Variants in GNB1L observed in about 807,000 individuals in gnomAD.
GNB1L encodes G protein subunit beta 1 like, also known as guanine nucleotide-binding protein subunit beta-like protein 1.
Under a neutral mutation model 29.1 loss-of-function variants are expected in GNB1L, and 20 were observed. The observed-to-expected ratio is 0.69, with a 90% CI of 0.48 to 1.00. GNB1L has a LOEUF of 1.00. Ranked by LOEUF, GNB1L falls within the 50% of genes least tolerant of loss-of-function variation. The pLI is 0.00. For missense variants in GNB1L, 421 were observed against 464.9 expected, an observed-to-expected ratio of 0.91 and a Z score of 0.87; for synonymous variants, 193 against 206.5, an observed-to-expected ratio of 0.93 and a Z score of 0.56.
chr22:19,812,310 G>A lies in GNB1L; in HGVS notation c.392C>T (p.Ala131Val), dbSNP rs1375866951. 6.2e-7 allele frequency: 1 copy of A among 1,612,828 alleles called. No individual in the cohort carries two copies. The highest frequency in any genetic ancestry group is 1.1e-5 in the South Asian group (1 of 91,028). ...LAGGQPRWTL[A>V]VPGRGSDEVQ... ...CTCGTCGCTGCCCCTCCCTGGCACG[G>A]CAAGCGTCCAGCGTGGCTGGCCCCC... is the stretch of plus-strand genomic sequence containing the variant. Residue 131 changes from alanine (A) to valine (V), a missense_variant, in exon 5 of 8, where the codon GCC becomes GTC. By Grantham distance (64) the Ala-to-Val change is moderately conservative (BLOSUM62 0). Coordinates refer to ENST00000329517, the MANE Select transcript of GNB1L (RefSeq NM_053004.3).
At chr22:19,798,008 C>T (rs1043611614) in intron 7 of GNB1L, among the ~76,000 whole-genome samples, 5 of 152,246 alleles carry the variant, frequency 3.3e-5, no homozygotes, top group Admixed American at 6.5e-5. Flanking sequence ...TGCTGCAGCA[C>T]GACACACAGC....
rs769500031 is a variant in GNB1L at position 19,851,431 on chromosome 22, T to C, written c.-21+3012A>G. The C allele has an allele frequency of 5.0e-6, 8 of 1,613,962 alleles. No homozygotes were observed. The South Asian group carries it at 6.6e-5, about 13-fold the overall frequency. On this transcript the variant is annotated intron_variant, in intron 2 of 7. Transcript: ENST00000329517. ...CCACAGGACCAGGCTTGGAGCTACA[T>C]GTAGAACTGGGCAGGACTGGGGGCT...
chr22:19,815,344 C>T lies in GNB1L; in HGVS notation c.255-2897G>A, dbSNP rs558980690. On this transcript the variant is annotated intron_variant, in intron 4 of 7. Transcript: ENST00000329517. ...TCCACTGGGGTTTTGGAGAACCTGC[C>T]AAACTGATGTCAAAATGTACCTGGA... Among the ~76,000 whole-genome samples the T allele has an allele frequency of 1.6e-3, 240 of 152,294 alleles. 1 individual carries two copies. Among genetic ancestry groups the T allele is most frequent in the Admixed American group, 4.5e-3 (69 of 15,310 alleles).
intron 4 of GNB1L, among the ~76,000 whole-genome samples, chr22:19,819,965 C>T (rs1227079837): frequency 6.6e-6 from 1 of 152,180 alleles, no homozygotes; most frequent in Non-Finnish European, 1.5e-5. Context: ...GCCACATAGC[C>T]GTATGTGGCA....
intron 2 of GNB1L, among the ~76,000 whole-genome samples, chr22:19,822,288 G>A (rs1034872738): frequency 6.6e-5 from 10 of 152,218 alleles, no homozygotes; most frequent in Non-Finnish European, 1.3e-4. Flanking sequence ...TCGCCGTGCG[G>A]CTCCTTAGGA....
intron 2 of GNB1L, among the ~76,000 whole-genome samples, chr22:19,837,156 C>T (rs537322236): frequency 1.3e-5 from 2 of 151,976 alleles, no homozygotes; most frequent in African/African-American, 2.4e-5. Context: ...TTAGTAGAGA[C>T]GGGGTCTCAC....
Position 19,831,462 on chromosome 22 carries a change from C to A in GNB1L, c.-20-10087G>T, listed in dbSNP as rs147416326. ...ATCCCAGCACTTTGGGAGGCTGAGG[C>A]GGGAGGATCACAAGGTCAGGAGATC... On this transcript the variant is annotated intron_variant, in intron 2 of 7. Coordinates refer to ENST00000329517, the MANE Select transcript of GNB1L (RefSeq NM_053004.3). Among the ~76,000 whole-genome samples, 300 of 150,814 alleles carry A rather than the reference C, an allele frequency of 2.0e-3. 1 individual carries two copies. The highest frequency in any genetic ancestry group is 6.9e-3 in the African/African-American group (282 of 41,132).
At chr22:19,805,010 C>T (rs184598416) in intron 6 of GNB1L, among the ~76,000 whole-genome samples, 30 of 152,316 alleles carry the variant, frequency 2.0e-4, no homozygotes, top group African/African-American at 5.5e-4. Context: ...CATGTCAAGC[C>T]CTTGGAGGAG....
chr22:19,812,440 G>C lies in GNB1L; in HGVS notation c.262C>G (p.Arg88Gly). The C allele has an allele frequency of 6.2e-7, 1 of 1,611,718 alleles. No individual in the cohort carries two copies. Among genetic ancestry groups the C allele is most frequent in the Non-Finnish European group, 8.5e-7 (1 of 1,178,988 alleles). ...TCCCACAGGCACAGCTTCAGGTCCCGGCCCTGACTGCCAGACAAAGAGGAG... is the reference window on the plus strand; with the variant it reads ...TCCCACAGGCACAGCTTCAGGTCCCCGCCCTGACTGCCAGACAAAGAGGAG... The part of the protein sequence containing the change: ...PQGRQLLSQG[R>G]DLKLCLWDLA... The change falls in exon 5 of 8, where the codon CGG becomes GGG. Residue 88 changes from arginine to glycine, a missense_variant. Coordinates refer to ENST00000329517, the MANE Select transcript of GNB1L (RefSeq NM_053004.3).
At chr22:19,826,355 G>A (rs569328719) in intron 2 of GNB1L, among the ~76,000 whole-genome samples, 1 of 152,274 alleles carries the variant, frequency 6.6e-6, no homozygotes, top group East Asian at 1.9e-4. Flanking sequence ...TGCAACCCAG[G>A]CCTCAAGGAA....
At chr22:19,809,800 T>C (rs1220401031) in intron 5 of GNB1L, among the ~76,000 whole-genome samples, 1 of 152,204 alleles carries the variant, frequency 6.6e-6, no homozygotes, top group Non-Finnish European at 1.5e-5. Flanking sequence ...TTGTTTTGTT[T>C]TAAAGTCAGA....
At chr22:19,851,392 G>C (rs201085521) in intron 2 of GNB1L, 2 of 1,614,064 alleles carry the variant, frequency 1.2e-6, no homozygotes, top group African/African-American at 2.7e-5. Context: ...CCTCTGGCTG[G>C]GAAGAGGCTG....
At chr22:19,823,385 G>A (rs1049619876) in intron 2 of GNB1L, among the ~76,000 whole-genome samples, 2 of 152,214 alleles carry the variant, frequency 1.3e-5, no homozygotes, top group Non-Finnish European at 2.9e-5. Context: ...TGAAGACGCA[G>A]CCAGGCCGGG....
chr22:19,787,350 C>T lies in GNB1L; in HGVS notation c.*1359G>A, dbSNP rs1937200726. ...GCCCGGCACTGGAGCCTTCCTGGCC[C>T]CAAGCTGCAGCGCCCAGTCCAGCCC... is the stretch of plus-strand genomic sequence containing the variant. On this transcript the variant is annotated 3_prime_UTR_variant, in exon 8 of 8. Transcript: ENST00000329517. 6.5e-6 allele frequency: 1 copy of T among 152,684 alleles called. No homozygotes were observed. The highest frequency in any genetic ancestry group is 6.5e-5 in the Admixed American group (1 of 15,294). The allele number at this position is 152,684 out of a possible 1,614,324, so 9.5% of individuals were successfully genotyped here.
At chr22:19,830,759 AAAGGAGCTAGCCCTATCAGATACT>A (rs1306104537) in intron 2 of GNB1L, among the ~76,000 whole-genome samples, 1 of 152,214 alleles carries the variant, frequency 6.6e-6, no homozygotes, top group Non-Finnish European at 1.5e-5. Context: ...AATTAGCTGC[AAAGGAGCTAGCCCTATCAGATACT>A]AACAGGTACT....
intron 6 of GNB1L, among the ~76,000 whole-genome samples, chr22:19,806,004 AT>A (rs1396872443): frequency 6.6e-6 from 1 of 152,158 alleles, no homozygotes; most frequent in East Asian, 1.9e-4. Flanking sequence ...CTGAAGGGTG[AT>A]GAGGGAGGAG....
intron 4 of GNB1L, among the ~76,000 whole-genome samples, chr22:19,813,163 A>G (rs190353472): frequency 6.6e-6 from 1 of 152,226 alleles, no homozygotes; most frequent in Non-Finnish European, 1.5e-5. Context: ...AAATGAGTAC[A>G]GACGGGTGTG....
rs370517613 is a variant in GNB1L, at chr22:19,802,080, G to A, written c.653C>T (p.Ser218Phe). 6.2e-7 allele frequency: 1 copy of A among 1,613,478 alleles called. No individual in the cohort carries two copies. Residue 218 changes from serine to phenylalanine, a missense_variant, in exon 7 of 8, where the codon TCC becomes TTC. Physicochemically the swap from Ser to Phe is radical, Grantham distance 155 (BLOSUM62 -2). Transcript: ENST00000329517. ...EEPVMDLDFD[S>F]QKARGISGSA... Reference sequence around the variant, plus strand: ...GCCTGAGATGCCCCTGGCCTTCTGGGAGTCAAAGTCAAGGTCCATGACGGG... The same window carrying A: ...GCCTGAGATGCCCCTGGCCTTCTGGAAGTCAAAGTCAAGGTCCATGACGGG...
At chr22:19,814,625 G>A (rs903848762) in intron 4 of GNB1L, among the ~76,000 whole-genome samples, 6 of 152,168 alleles carry the variant, frequency 3.9e-5, no homozygotes, top group African/African-American at 7.2e-5. Context: ...CATGGACTCC[G>A]GGATGACAGG....
Sources: allele counts gnomAD v4.1 joint callset (sites outside exome capture counted in the v4.1 genomes callset), GRCh38; gene constraint gnomAD v4.1.1; transcripts MANE v1.5; gene names NCBI Gene and HGNC (gene_info 2026-07-23, HGNC 2026-07-21).